The following SLC35F4 variants were observed in gnomAD, a reference collection of about 807,000 sequenced individuals.
The protein encoded by SLC35F4 is chromosome 14 open reading frame 36.
In SLC35F4, 24 loss-of-function variants were observed where a neutral mutation model predicts 44.2. The ratio of observed to expected loss-of-function variants is 0.54; its 90% confidence interval spans 0.39 to 0.76. The LOEUF is 0.76. Ranked by LOEUF, SLC35F4 falls within the 30% of genes least tolerant of loss-of-function variation. The pLI is 0.00. For missense variants in SLC35F4, 562 were observed against 586.1 expected (o/e 0.96, Z 0.42); for synonymous variants, 238 against 223.6 (o/e 1.06, Z -0.57).
intron 4 of SLC35F4, among the ~76,000 whole-genome samples, chr14:57,573,529 A>G (rs1173671829): frequency 6.6e-6 from 1 of 152,120 alleles, no homozygotes; most frequent in African/African-American, 2.4e-5. Flanking sequence ...AGATTTCTAA[A>G]TAATAAGTAA....
intron 1 of SLC35F4, among the ~76,000 whole-genome samples, chr14:57,768,197 A>G (rs2077278638): frequency 6.6e-6 from 1 of 152,204 alleles, no homozygotes; most frequent in Admixed American, 6.5e-5. Context: ...AAGATGAAAT[A>G]TGAATTTTTC....
At chr14:57,670,128 A>G (rs148591705) in intron 1 of SLC35F4, among the ~76,000 whole-genome samples, 3 of 152,102 alleles carry the variant, frequency 2.0e-5, no homozygotes, top group Non-Finnish European at 4.4e-5. Flanking sequence ...AGAGGTGTTT[A>G]TAGTATTCTC....
chr14:57,889,773 G>A (rs1888721597), intron 1 of SLC35F4, among the ~76,000 whole-genome samples: 1 of 152,112 alleles, frequency 6.6e-6, no homozygotes, highest in Admixed American at 6.5e-5. Context: ...TTTGTTATAT[G>A]GACTACATCC....
intron 1 of SLC35F4, among the ~76,000 whole-genome samples, chr14:57,947,399 G>A (rs1352207565): frequency 1.3e-5 from 2 of 152,076 alleles, no homozygotes; most frequent in African/African-American, 4.8e-5. Flanking sequence ...AAACTTTACT[G>A]AATTCATTTA....
At chr14:57,590,676 G>C (rs901695629) in intron 2 of SLC35F4, among the ~76,000 whole-genome samples, 1 of 152,146 alleles carries the variant, frequency 6.6e-6, no homozygotes. Context: ...AAACAGGAGC[G>C]GAGGTCATTC....
intron 1 of SLC35F4, among the ~76,000 whole-genome samples, chr14:57,700,108 T>G (rs1184156235): frequency 1.3e-5 from 2 of 152,184 alleles, no homozygotes; most frequent in African/African-American, 4.8e-5. Flanking sequence ...TGTTAGGTGA[T>G]TTTGTCATTG....
intron 1 of SLC35F4, among the ~76,000 whole-genome samples, chr14:57,764,199 C>T (rs1314808901): frequency 1.3e-5 from 2 of 152,056 alleles, no homozygotes; most frequent in Admixed American, 6.6e-5. Flanking sequence ...CCCATAGAAT[C>T]ATGAGAGATA....
intron 1 of SLC35F4, among the ~76,000 whole-genome samples, chr14:57,813,230 G>C (rs1056372804): frequency 6.6e-6 from 1 of 152,108 alleles, no homozygotes; most frequent in Non-Finnish European, 1.5e-5. Flanking sequence ...CGCCCTACTG[G>C]GGCACTCTGC....
chr14:57,748,681 G>C (rs1384025784), intron 1 of SLC35F4, among the ~76,000 whole-genome samples: 1 of 152,166 alleles, frequency 6.6e-6, no homozygotes, highest in Non-Finnish European at 1.5e-5. Context: ...AACTAGGCCT[G>C]AAGATATCCA....
At chr14:57,796,261 T>G (rs1407527308) in intron 1 of SLC35F4, among the ~76,000 whole-genome samples, 1 of 152,210 alleles carries the variant, frequency 6.6e-6, no homozygotes, top group Non-Finnish European at 1.5e-5. Context: ...AACATATGTG[T>G]GCATATGTCT....
At chr14:57,783,126 G>A (rs2140755881) in intron 1 of SLC35F4, among the ~76,000 whole-genome samples, 1 of 152,126 alleles carries the variant, frequency 6.6e-6, no homozygotes, top group Non-Finnish European at 1.5e-5. Context: ...TGTGGGTGGA[G>A]GATTGCTATC....
At chr14:57,794,780 AT>A (rs371254060) in intron 1 of SLC35F4, among the ~76,000 whole-genome samples, 14 of 152,168 alleles carry the variant, frequency 9.2e-5, no homozygotes, top group African/African-American at 3.4e-4. Context: ...TACCCTGCAA[AT>A]AATATGTAAA....
At chr14:57,728,541 C>A (rs1485913667) in intron 1 of SLC35F4, among the ~76,000 whole-genome samples, 1 of 144,830 alleles carries the variant, frequency 6.9e-6, no homozygotes, top group East Asian at 2.1e-4. Context: ...CTTCACCTCC[C>A]AGGTTCAAGT....
intron 1 of SLC35F4, among the ~76,000 whole-genome samples, chr14:57,651,854 C>G (rs1013250790): frequency 7.2e-5 from 11 of 152,290 alleles, no homozygotes; most frequent in African/African-American, 2.4e-4. Context: ...TCCAATGGGA[C>G]CCTTACCAGA....
intron 1 of SLC35F4, among the ~76,000 whole-genome samples, chr14:57,693,725 C>G (rs1200079998): frequency 2.0e-5 from 3 of 152,148 alleles, no homozygotes; most frequent in East Asian, 1.9e-4. Flanking sequence ...CTCTATATTT[C>G]TGTGTGTGTG....
intron 1 of SLC35F4, among the ~76,000 whole-genome samples, chr14:57,900,888 C>T (rs534412266): frequency 3.3e-5 from 5 of 152,254 alleles, no homozygotes; most frequent in East Asian, 1.9e-4. Context: ...CAAAAGAAGA[C>T]ATACATGCAG....
Position 57,566,487 on chromosome 14 carries a change from G to C in SLC35F4, c.1204C>G (p.Pro402Ala). Residue 402 changes from proline (P) to alanine (A), a missense_variant, in exon 7 of 8, where the codon CCT (proline) becomes GCT (alanine). Physicochemically the swap from Pro to Ala is conservative, Grantham distance 27 (BLOSUM62 -1). Coordinates refer to ENST00000556826, the MANE Select transcript of SLC35F4 (RefSeq NM_001306087.2). ...LISIGTVLSV[P>A]GNAAVDLLKQ... ...ATGGTGCCTGTACCTGCATTTCCAGGAACGCTGAGCACTGTCCCAATGGAG... is the reference window on the plus strand; with the variant it reads ...ATGGTGCCTGTACCTGCATTTCCAGCAACGCTGAGCACTGTCCCAATGGAG... 1 of 1,594,212 alleles carries C rather than the reference G, an allele frequency of 6.3e-7. No homozygotes were observed. The highest frequency in any genetic ancestry group is 8.5e-7 in the Non-Finnish European group (1 of 1,170,386).
Position 57,864,658 on chromosome 14 carries a change from T to C in SLC35F4, c.103+1065A>G, listed in dbSNP as rs564746778. Among the ~76,000 whole-genome samples, 107 of 152,298 alleles carry C rather than the reference T, an allele frequency of 7.0e-4. 1 individual carries two copies. The highest frequency in any genetic ancestry group is 3.9e-4 in the Admixed American group (6 of 15,300). On this transcript the variant is annotated intron_variant, in intron 1 of 7. Coordinates refer to ENST00000556826, the MANE Select transcript of SLC35F4 (RefSeq NM_001306087.2). ...AATGTTGATTGCACCCCAAATGTCA[T>C]AGAAAAATACGTATCAGAAATGCAT... is the stretch of plus-strand genomic sequence containing the variant.
intron 1 of SLC35F4, among the ~76,000 whole-genome samples, chr14:57,935,637 T>C (rs752679533): frequency 6.6e-6 from 1 of 152,222 alleles, no homozygotes; most frequent in Non-Finnish European, 1.5e-5. Flanking sequence ...GAATAGCATA[T>C]ATTTCCTATC....
Sources: gnomAD v4.1 joint callset for allele counts (sites outside exome capture counted in the v4.1 genomes callset) on GRCh38, gnomAD v4.1.1 for gene constraint, MANE v1.5 for transcripts, NCBI Gene and HGNC (gene_info 2026-07-23, HGNC 2026-07-21) for gene names.